The following UGT1A5 variants were observed in gnomAD, a reference collection of about 807,000 sequenced individuals.
UGT1A5 encodes UDP-glucuronosyltransferase 1A5.
In UGT1A5, 29 loss-of-function variants were observed where a neutral mutation model predicts 40.3. That is an observed-to-expected ratio of 0.72 (90% CI 0.54 to 0.98). The LOEUF (loss-of-function observed/expected upper bound fraction) is 0.98. Among genes scored for constraint, UGT1A5 ranks in the 50% least tolerant of loss-of-function variants. UGT1A5 has a pLI of 0.00. For missense variants in UGT1A5, 678 were observed against 677.9 expected (o/e 1.00, Z 0.00); for synonymous variants, 257 against 262.5 (o/e 0.98, Z 0.20).
chr2:233,754,906 T>C, intron 1 of UGT1A5: 3 of 1,351,506 alleles, frequency 2.2e-6, no homozygotes, highest in South Asian at 1.1e-5. Flanking sequence ...CCCCCCAAAA[T>C]ATTCTCCAGC....
intron 1 of UGT1A5, among the ~76,000 whole-genome samples, chr2:233,764,153 T>C (rs1331955474): frequency 6.6e-6 from 1 of 152,218 alleles, no homozygotes; most frequent in Non-Finnish European, 1.5e-5. Context: ...TTTTGGCTGG[T>C]GAAGTCTCAT....
chr2:233,741,879 A>G (rs775156771), intron 1 of UGT1A5: 10 of 151,838 alleles, frequency 6.6e-5, no homozygotes, highest in Non-Finnish European at 1.2e-4. Context: ...CTCAGAGGTG[A>G]CCCTAGAAGA....
chr2:233,762,377 A>G (rs182919265), intron 1 of UGT1A5, among the ~76,000 whole-genome samples: 1 of 152,252 alleles, frequency 6.6e-6, no homozygotes, highest in African/African-American at 2.4e-5. Context: ...ACCAATATGT[A>G]TATAGAAACA....
At chr2:233,750,527 A>G (rs552056379) in intron 1 of UGT1A5, 33 of 152,112 alleles carry the variant, frequency 2.2e-4, no homozygotes, top group Admixed American at 4.6e-4. Flanking sequence ...ACAATGGGGA[A>G]AATGGCTTCA....
At chr2:233,736,459 C>G (rs1461778368) in intron 1 of UGT1A5, among the ~76,000 whole-genome samples, 5 of 152,202 alleles carry the variant, frequency 3.3e-5, no homozygotes, top group Admixed American at 3.3e-4. Flanking sequence ...TTCGAACATG[C>G]ACTTTTAGCT....
intron 1 of UGT1A5, among the ~76,000 whole-genome samples, chr2:233,731,510 C>T (rs1236819305): frequency 6.6e-6 from 1 of 152,156 alleles, no homozygotes; most frequent in African/African-American, 2.4e-5. Context: ...GTTCAGTTCC[C>T]ACCTATGAGT....
chr2:233,761,145 A>T, intron 1 of UGT1A5: 4 of 1,614,244 alleles, frequency 2.5e-6, no homozygotes, highest in Non-Finnish European at 3.4e-6. Flanking sequence ...AAAATCCACT[A>T]TCCCAGGTGT....
intron 1 of UGT1A5, among the ~76,000 whole-genome samples, chr2:233,749,970 G>A (rs373320687): frequency 6.6e-6 from 1 of 151,884 alleles, no homozygotes; most frequent in Non-Finnish European, 1.5e-5. Context: ...TGTCTTTATA[G>A]CAGTGTGAGA....
chr2:233,757,535 A>AATATAT (rs67292694), intron 1 of UGT1A5, among the ~76,000 whole-genome samples: 2,323 of 88,244 alleles, frequency 0.026, 162 homozygotes, highest in African/African-American at 0.078. Context: ...GCCTGTAAGG[A>AATATAT]ATATATATAT....
rs144416943 is a variant in UGT1A5, at chr2:233,751,718, G to A, written c.868-15316G>A. 2.1e-3 allele frequency among the ~76,000 whole-genome samples: 324 copies of A among 152,254 alleles called. 2 individuals carry two copies. The highest frequency in any genetic ancestry group is 7.5e-3 in the African/African-American group (310 of 41,552). ...GGGGCTCTTCCTCCTTCACTCACAA[G>A]TGAACTCTTCCTCTCTGTTTCTCTC... On this transcript the variant is annotated intron_variant, in intron 1 of 4. Transcript: ENST00000373414.
intron 1 of UGT1A5, among the ~76,000 whole-genome samples, chr2:233,764,353 CCTCATAGTAGCTGG>C (rs1280586461): frequency 1.6e-4 from 25 of 152,240 alleles, no homozygotes; most frequent in Non-Finnish European, 2.8e-4. Context: ...CTTTATTGAG[CCTCATAGTAGCTGG>C]CTCAGGTAGG....
Position 233,713,371 on chromosome 2 carries a change from C to G in UGT1A5, c.380C>G (p.Ser127Cys), listed in dbSNP as rs949322705. The G allele has an allele frequency of 5.3e-5, 85 of 1,613,982 alleles. No individual in the cohort carries two copies. The highest frequency in any genetic ancestry group is 6.7e-5 in the Non-Finnish European group (79 of 1,180,022). ...MNNMSLIIHR[S>C]CVELLHNEAL... ...AATATGTCTTTGATCATACATAGGT[C>G]TTGTGTGGAGCTACTGCATAATGAG... is the stretch of plus-strand genomic sequence containing the variant. The change falls in exon 1 of 5, where the codon TCT becomes TGT. Residue 127 changes from serine (S) to cysteine (C), a missense_variant. Ser to Cys is a moderately radical substitution (Grantham distance 112). Coordinates refer to ENST00000373414, the MANE Select transcript of UGT1A5 (RefSeq NM_019078.2).
chr2:233,743,195 G>C, intron 1 of UGT1A5: 2 of 380,014 alleles, frequency 5.3e-6, no homozygotes, highest in South Asian at 3.9e-5. Flanking sequence ...GAATTACTTG[G>C]TGTCAATGCG....
intron 1 of UGT1A5, chr2:233,730,119 C>T (rs1050409403): frequency 6.4e-7 from 1 of 1,553,794 alleles, no homozygotes; most frequent in Non-Finnish European, 8.7e-7. Context: ...TTCTCCTTGT[C>T]ATAATAGCCT....
rs376887521 is a variant in UGT1A5 at position 233,757,535 on chromosome 2, A to AATATATATACATATACATATATATATAT, written c.868-9490_868-9489insCATATACATATATATATATATATATATA. ...CAAAGCCAAAATCTTGCCTGTAAGG[A>AATATATATACATATACATATATATATAT]ATATATATATATATATATATATATA... On this transcript the variant is annotated intron_variant, in intron 1 of 4. Transcript: ENST00000373414. 4.4e-3 allele frequency among the ~76,000 whole-genome samples: 377 copies of AATATATATACATATACATATATATATAT among 85,820 alleles called. 6 individuals carry two copies. The highest frequency in any genetic ancestry group is 5.9e-3 in the Middle Eastern group (1 of 170). The allele number at this position is 85,820 out of a possible 152,430, so 56.3% of individuals were successfully genotyped here. A position where few individuals can be genotyped will look rare whatever the true frequency, so the allele number is the denominator to read the frequency against.
intron 1 of UGT1A5, among the ~76,000 whole-genome samples, chr2:233,720,698 G>A (rs2076882093): frequency 6.6e-6 from 1 of 151,018 alleles, no homozygotes; most frequent in South Asian, 2.1e-4. Context: ...CATTAAGGGA[G>A]CCATCCTTTT....
intron 1 of UGT1A5, chr2:233,741,606 TTCAG>T (rs1691716014): frequency 1.3e-5 from 2 of 151,870 alleles, no homozygotes; most frequent in South Asian, 4.1e-4. Context: ...GATTTCAGAG[TTCAG>T]TGTCAGACCC....
Position 233,767,174 on chromosome 2 carries a change from A to G in UGT1A5, c.999+9A>G. 1.2e-6 allele frequency: 2 copies of G among 1,614,054 alleles called. No homozygotes were observed. Among genetic ancestry groups the G allele is most frequent in the Non-Finnish European group, 1.7e-6 (2 of 1,180,004 alleles). ...GCAAAATCCCTCAGACAGTAAGAAG[A>G]TTCTATACCATGGCCTCATATCTAT... is the stretch of plus-strand genomic sequence containing the variant. On this transcript the variant is annotated intron_variant, in intron 2 of 4. Transcript: ENST00000373414.
intron 1 of UGT1A5, among the ~76,000 whole-genome samples, chr2:233,724,966 G>A (rs1480944004): frequency 1.5e-5 from 2 of 135,640 alleles, no homozygotes; most frequent in South Asian, 2.5e-4. Flanking sequence ...GGAGGCCGAG[G>A]TTGGCGGATC....
Sources: gnomAD v4.1 joint callset for allele counts (sites outside exome capture counted in the v4.1 genomes callset) on GRCh38, gnomAD v4.1.1 for gene constraint, MANE v1.5 for transcripts, NCBI Gene and HGNC (gene_info 2026-07-23, HGNC 2026-07-21) for gene names.